DMD: variants seen among roughly 807,000 people sequenced by gnomAD.
DMD encodes the protein dystrophin.
In DMD, 63 loss-of-function variants were observed where a neutral mutation model predicts 330.1. The ratio of observed to expected loss-of-function variants is 0.19; its 90% CI spans 0.16 to 0.24. The LOEUF (loss-of-function observed/expected upper bound fraction) is 0.24, where lower values mean the gene tolerates loss of function less well. Ranked by LOEUF, DMD falls within the 10% of genes least tolerant of loss-of-function variation. The pLI, the probability that DMD is intolerant of heterozygous loss-of-function variation, is 1.00. For synonymous variants in DMD, 1,223 were observed against 959.8 expected (o/e 1.27, Z -5.07); for missense variants, 3,344 against 2,684.1 (o/e 1.25, Z -5.43).
intron 1 of DMD, among the ~76,000 whole-genome samples, chrX:33,170,606 T>C (rs2049289467): frequency 9.0e-6 from 1 of 111,681 alleles, no homozygotes; most frequent in Non-Finnish European, 1.9e-5. Flanking sequence ...CCAAATACTA[T>C]CATTTCAAGA....
intron 55 of DMD, among the ~76,000 whole-genome samples, chrX:31,540,365 A>G (rs1157553078): frequency 8.9e-6 from 1 of 112,328 alleles, no homozygotes; most frequent in Non-Finnish European, 1.9e-5. Flanking sequence ...GAAAGTCAGA[A>G]GTACCTTTTC....
chrX:33,095,088 T>A (rs141786745), intron 1 of DMD, among the ~76,000 whole-genome samples: 301 of 112,471 alleles, frequency 2.7e-3, no homozygotes, highest in African/African-American at 9.4e-3. Flanking sequence ...TTGCTCTGTG[T>A]GCATACAAAT....
chrX:33,330,420 G>C (rs973864670), intron 1 of DMD, among the ~76,000 whole-genome samples: 1 of 111,577 alleles, frequency 9.0e-6, no homozygotes, highest in African/African-American at 3.3e-5. Flanking sequence ...TAACCTCTGA[G>C]GTCTGATTCT....
chrX:31,200,844 T>C (rs762226723), intron 67 of DMD, among the ~76,000 whole-genome samples: 1 of 111,523 alleles, frequency 9.0e-6, no homozygotes, highest in Non-Finnish European at 1.9e-5. Context: ...AATGTAAGAA[T>C]GGCAATGGAA....
intron 42 of DMD, among the ~76,000 whole-genome samples, chrX:32,305,290 C>T (rs777537684): frequency 6.0e-4 from 67 of 111,052 alleles, no homozygotes; most frequent in African/African-American, 2.0e-3. Context: ...AGATCTTAAC[C>T]AGTGTATTAA....
intron 41 of DMD, among the ~76,000 whole-genome samples, chrX:32,341,647 A>G (rs959166938): frequency 8.9e-6 from 1 of 111,868 alleles, no homozygotes; most frequent in Non-Finnish European, 1.9e-5. Flanking sequence ...AGTCAATGAG[A>G]TAATGGCTTA....
At chrX:32,976,459 A>C (rs12847209) in intron 2 of DMD, among the ~76,000 whole-genome samples, 6,250 of 111,507 alleles carry the variant, frequency 0.056, 202 homozygotes, top group East Asian at 0.17. Context: ...ATGTGAATAT[A>C]TAGAACCTAG....
chrX:31,351,725 CAAA>C (rs3061693), intron 60 of DMD, among the ~76,000 whole-genome samples: 16,043 of 52,628 alleles, frequency 0.3, 1,506 homozygotes, highest in East Asian at 0.53. Context: ...GACTCCATCT[CAAA>C]AAAAAAAAAA....
intron 1 of DMD, among the ~76,000 whole-genome samples, chrX:33,261,631 C>CAT (rs1428386043): frequency 6.7e-5 from 7 of 104,504 alleles, no homozygotes; most frequent in Non-Finnish European, 1.2e-4. Context: ...GGGAAGAACA[C>CAT]ACACACACAC....
chrX:31,666,672 G>A (rs2081446548), intron 53 of DMD, among the ~76,000 whole-genome samples: 1 of 111,773 alleles, frequency 8.9e-6, no homozygotes. Flanking sequence ...TAAATGTTGA[G>A]GAAATGTTTA....
intron 47 of DMD, among the ~76,000 whole-genome samples, chrX:31,891,743 A>G (rs765392182): frequency 4.7e-4 from 52 of 110,975 alleles, no homozygotes; most frequent in Non-Finnish European, 9.4e-4. Flanking sequence ...AACATTTACC[A>G]TCTGGACCGT....
intron 2 of DMD, among the ~76,000 whole-genome samples, chrX:32,886,452 G>C (rs972822506): frequency 1.8e-5 from 2 of 110,848 alleles, no homozygotes; most frequent in African/African-American, 6.6e-5. Context: ...GGGAGGCCGA[G>C]GTGGGAAGAT....
At chrX:32,795,765 T>G (rs190377994) in intron 7 of DMD, among the ~76,000 whole-genome samples, 7 of 110,821 alleles carry the variant, frequency 6.3e-5, no homozygotes, top group African/African-American at 9.8e-5. Context: ...AATTTAACAG[T>G]AAAAAAATAA....
At chrX:32,705,803 G>T (rs755217643) in intron 7 of DMD, among the ~76,000 whole-genome samples, 1 of 111,230 alleles carries the variant, frequency 9.0e-6, no homozygotes, top group East Asian at 2.9e-4. Flanking sequence ...TTTTTCATGT[G>T]TTTTTTGGCT....
chrX:33,118,022 T>A (rs2095398206), intron 1 of DMD, among the ~76,000 whole-genome samples: 2 of 110,887 alleles, frequency 1.8e-5, no homozygotes, highest in African/African-American at 6.6e-5. Flanking sequence ...CATGCCTGAT[T>A]CCACACTAGT....
intron 7 of DMD, among the ~76,000 whole-genome samples, chrX:32,738,752 C>T (rs1471372756): frequency 1.8e-5 from 2 of 111,098 alleles, no homozygotes; most frequent in African/African-American, 6.5e-5. Flanking sequence ...GTTAGCAGAG[C>T]AGATAAGGTA....
At chrX:32,889,027 G>C (rs2084936746) in intron 2 of DMD, among the ~76,000 whole-genome samples, 1 of 110,482 alleles carries the variant, frequency 9.1e-6, no homozygotes, top group Non-Finnish European at 1.9e-5. Flanking sequence ...AGAAACAAGA[G>C]TGTGTTCCTG....
intron 62 of DMD, among the ~76,000 whole-genome samples, chrX:31,289,914 ATTATTATTATTATTATTATTAT>A (rs1362385273): frequency 9.6e-6 from 1 of 104,181 alleles, no homozygotes; most frequent in Admixed American, 1.0e-4. Flanking sequence ...TATTATTATT[ATTATTATTATTATTATTATTAT>A]TTGAGACAGA....
At position 31,261,181 on chromosome X, in the gene DMD, C is replaced by T. The variant is rs900130690; in HGVS notation, c.9225-165G>A. The T allele has an allele frequency of 1.7e-5, 8 of 458,542 alleles. No individual in the cohort carries two copies. In the African/African-American group the frequency reaches 2.0e-4, roughly 11 times the overall value. 37.8% of individuals were successfully genotyped at this position (458,542 alleles called of 1,213,427 possible). On this transcript the variant is annotated intron_variant, in intron 62 of 78. Transcript: ENST00000357033. ...GTGTATTGAAGAAATGTTTATCTTA[C>T]AAGCAGAAAGGCCCCTTTCTGCTTT...
Sources: gnomAD v4.1 joint callset for allele counts (sites outside exome capture counted in the v4.1 genomes callset) on GRCh38, gnomAD v4.1.1 for gene constraint, MANE v1.5 for transcripts, NCBI Gene and HGNC (gene_info 2026-07-23, HGNC 2026-07-21) for gene names.